Variants in ARB2A observed in about 807,000 individuals in gnomAD.
ARB2A encodes ARB2 cotranscriptional regulator A, also known as cotranscriptional regulator ARB2A.
chr5:93,635,784 T>A, the ARB2A span, among the ~76,000 whole-genome samples: 6 of 152,186 alleles, frequency 3.9e-5, no homozygotes, highest in Admixed American at 3.9e-4. Flanking sequence ...TTACTAGTCA[T>A]TTCATGTATG....
the ARB2A span, among the ~76,000 whole-genome samples, chr5:93,698,500 C>T: frequency 1.3e-5 from 2 of 152,008 alleles, no homozygotes; most frequent in East Asian, 3.9e-4. Context: ...ATGAGGCAGT[C>T]AGGATAGGAA....
At chr5:93,806,843 A>T in the ARB2A span, among the ~76,000 whole-genome samples, 1 of 151,976 alleles carries the variant, frequency 6.6e-6, no homozygotes, top group Admixed American at 6.6e-5. Context: ...TTTAACTTCT[A>T]CACTTTAACA....
the ARB2A span, among the ~76,000 whole-genome samples, chr5:93,949,903 TCA>T: frequency 6.6e-6 from 1 of 152,330 alleles, no homozygotes; most frequent in South Asian, 2.1e-4. Context: ...CAATAAATTC[TCA>T]GTTTTATTTA....
the ARB2A span, among the ~76,000 whole-genome samples, chr5:93,646,657 G>C: frequency 6.6e-6 from 1 of 151,084 alleles, no homozygotes; most frequent in East Asian, 1.9e-4. Context: ...ATTTTCTTCT[G>C]GTTAGACTCT....
At chr5:93,993,484 C>T in the ARB2A span, among the ~76,000 whole-genome samples, 2 of 152,082 alleles carry the variant, frequency 1.3e-5, no homozygotes, top group Admixed American at 1.3e-4. Context: ...TGTTGTTATT[C>T]TTTTGCACTG....
At chr5:93,781,498 C>T in the ARB2A span, among the ~76,000 whole-genome samples, 1 of 152,084 alleles carries the variant, frequency 6.6e-6, no homozygotes, top group Non-Finnish European at 1.5e-5. Flanking sequence ...GATAAACATA[C>T]CAGTATAGAT....
chr5:93,873,978 A>T, the ARB2A span, among the ~76,000 whole-genome samples: 2 of 152,210 alleles, frequency 1.3e-5, no homozygotes. Flanking sequence ...TGTTTGCAGG[A>T]TAAGGGGAAA....
the ARB2A span, among the ~76,000 whole-genome samples, chr5:93,763,351 G>T: frequency 6.6e-6 from 1 of 152,098 alleles, no homozygotes; most frequent in Non-Finnish European, 1.5e-5. Flanking sequence ...GATGGAGGAA[G>T]ATCTACCAAG....
chr5:93,862,864 T>C, the ARB2A span: 3 of 152,230 alleles, frequency 2.0e-5, no homozygotes, highest in Non-Finnish European at 4.4e-5. Context: ...ATGAAAGAAA[T>C]ATTTCCTTCC....
the ARB2A span, among the ~76,000 whole-genome samples, chr5:93,624,434 C>A: frequency 6.6e-6 from 1 of 152,142 alleles, no homozygotes; most frequent in African/African-American, 2.4e-5. Context: ...TGTTTTTCCA[C>A]ATTAAATATC....
At chr5:94,029,997 AG>A in the ARB2A span, among the ~76,000 whole-genome samples, 1 of 152,126 alleles carries the variant, frequency 6.6e-6, no homozygotes, top group Non-Finnish European at 1.5e-5. Context: ...CAAGAGAGAG[AG>A]AGTTTGTGCA....
At chr5:93,844,697 T>C in the ARB2A span, among the ~76,000 whole-genome samples, 1 of 152,124 alleles carries the variant, frequency 6.6e-6, no homozygotes, top group Non-Finnish European at 1.5e-5. Flanking sequence ...AATGCTAAGA[T>C]GACAGCTGGA....
the ARB2A span, among the ~76,000 whole-genome samples, chr5:93,621,420 G>C: frequency 6.6e-6 from 1 of 152,210 alleles, no homozygotes; most frequent in Non-Finnish European, 1.5e-5. Flanking sequence ...GGCGTCTCCG[G>C]CCTCAGTCCC....
chr5:94,093,167 A>C, the ARB2A span, among the ~76,000 whole-genome samples: 1 of 152,152 alleles, frequency 6.6e-6, no homozygotes, highest in East Asian at 1.9e-4. Flanking sequence ...CAAGTTTTTA[A>C]AAAATTTCAG....
At chr5:93,705,067 G>C in the ARB2A span, among the ~76,000 whole-genome samples, 10 of 152,278 alleles carry the variant, frequency 6.6e-5, no homozygotes, top group Admixed American at 2.0e-4. Flanking sequence ...AGGGGAAGGA[G>C]AGGAGAGAGG....
chr5:93,635,955 A>T, the ARB2A span, among the ~76,000 whole-genome samples: 2 of 152,218 alleles, frequency 1.3e-5, no homozygotes, highest in African/African-American at 4.8e-5. Context: ...ATTTATGCTT[A>T]CAAGTGTTAT....
At chr5:94,020,076 T>C in the ARB2A span, among the ~76,000 whole-genome samples, 1 of 152,138 alleles carries the variant, frequency 6.6e-6, no homozygotes, top group African/African-American at 2.4e-5. Context: ...CGTAATGCTA[T>C]GTAGCCATAA....
chr5:94,046,359 G>A, the ARB2A span, among the ~76,000 whole-genome samples: 2 of 151,964 alleles, frequency 1.3e-5, no homozygotes, highest in Non-Finnish European at 2.9e-5. Context: ...GCTCCAAGAG[G>A]GATCTCTCCT....
chr5:93,783,824 T>C, the ARB2A span, among the ~76,000 whole-genome samples: 59 of 152,276 alleles, frequency 3.9e-4, no homozygotes, highest in South Asian at 4.6e-3. Flanking sequence ...CCTTAGGAAG[T>C]GTGAAAAGAA....
Sources: allele counts gnomAD v4.1 joint callset (sites outside exome capture counted in the v4.1 genomes callset), GRCh38; gene constraint gnomAD v4.1.1; transcripts MANE v1.5; gene names NCBI Gene and HGNC (gene_info 2026-07-23, HGNC 2026-07-21).